ACBD6: variants seen among roughly 807,000 people sequenced by gnomAD.
ACBD6 encodes acyl-CoA binding domain containing 6.
ACBD6 carries 28 observed loss-of-function variants against 37.2 expected under a neutral mutation model. The ratio of observed to expected loss-of-function variants is 0.75; its 90% confidence interval spans 0.56 to 1.03. The LOEUF is 1.03. ACBD6 is among the 50% of genes least tolerant of loss of function. The pLI, the probability that ACBD6 is intolerant of heterozygous loss-of-function variation, is 0.00. For synonymous variants in ACBD6, 113 were observed against 126.8 expected (o/e 0.89, Z 0.73); for missense variants, 340 against 337.4 (o/e 1.01, Z -0.06).
exon 11 of ACBD6, chr1:180,273,990 C>T (rs1648858196): frequency 3.2e-6 from 2 of 626,450 alleles, no homozygotes; most frequent in Non-Finnish European, 5.6e-6. Flanking sequence ...GCAGGTGTTT[C>T]TTGTTTTTCT....
intron 3 of ACBD6, among the ~76,000 whole-genome samples, chr1:180,431,092 C>T (rs1648794013): frequency 6.6e-6 from 1 of 151,848 alleles, no homozygotes; most frequent in South Asian, 2.1e-4. Flanking sequence ...ACTAGTTTTA[C>T]TTCAAATAAA....
At chr1:180,440,042 A>G (rs949039824) in intron 3 of ACBD6, among the ~76,000 whole-genome samples, 1 of 152,096 alleles carries the variant, frequency 6.6e-6, no homozygotes, top group African/African-American at 2.4e-5. Flanking sequence ...TTCCTTTAAA[A>G]TTTACTATAG....
chr1:180,327,023 G>A (rs1651280420), intron 6 of ACBD6, among the ~76,000 whole-genome samples: 1 of 152,158 alleles, frequency 6.6e-6, no homozygotes. Flanking sequence ...TGCCCTAGCT[G>A]ATGTCTCCCT....
intron 3 of ACBD6, among the ~76,000 whole-genome samples, chr1:180,440,092 T>C (rs561532366): frequency 6.6e-6 from 1 of 152,236 alleles, no homozygotes; most frequent in Non-Finnish European, 1.5e-5. Context: ...TTTTGTTTAT[T>C]TGGAAAAAGT....
intron 6 of ACBD6, among the ~76,000 whole-genome samples, chr1:180,354,928 G>A (rs759488197): frequency 1.3e-5 from 2 of 152,104 alleles, no homozygotes; most frequent in African/African-American, 4.8e-5. Flanking sequence ...AAAGACATAC[G>A]CAACATTGTC....
At chr1:180,456,232 A>C (rs1269640697) in intron 3 of ACBD6, among the ~76,000 whole-genome samples, 1 of 150,372 alleles carries the variant, frequency 6.7e-6, no homozygotes, top group Non-Finnish European at 1.5e-5. Context: ...AAAAAAAGTG[A>C]CTTAATTTTA....
At chr1:180,282,972 GTTTTTTTTTTTT>G (rs34828086) in intron 8 of ACBD6, among the ~76,000 whole-genome samples, 67 of 109,990 alleles carry the variant, frequency 6.1e-4, no homozygotes, top group Non-Finnish European at 9.4e-4. Flanking sequence ...ATGTCTTTCT[GTTTTTTTTTTTT>G]TTTTTTTTTG....
At chr1:180,275,465 C>T (rs772828418) in intron 9 of ACBD6, 1 of 152,234 alleles carries the variant, frequency 6.6e-6, no homozygotes, top group Non-Finnish European at 1.5e-5. Context: ...TTTGTAGACA[C>T]ATTTGGATTC....
At chr1:180,388,172 T>C (rs1653918630) in intron 6 of ACBD6, among the ~76,000 whole-genome samples, 1 of 101,466 alleles carries the variant, frequency 9.9e-6, no homozygotes. Flanking sequence ...CGAGACTCCG[T>C]CTCAAAAAAA....
Position 180,502,380 on chromosome 1 carries a change from G to C in ACBD6, c.-114C>G. ...GGGTCGCGAGCCTGAGCTCCAGTCGGACCCAAGCTCAGTCGCGGCGCGCTC... is the reference window on the plus strand; with the variant it reads ...GGGTCGCGAGCCTGAGCTCCAGTCGCACCCAAGCTCAGTCGCGGCGCGCTC... On this transcript the variant is annotated 5_prime_UTR_variant, in exon 1 of 8. Coordinates refer to ENST00000367595, the MANE Select transcript of ACBD6 (RefSeq NM_032360.4). 1 of 1,199,862 alleles carries C rather than the reference G, an allele frequency of 8.3e-7. No homozygotes were observed. Among genetic ancestry groups the C allele is most frequent in the Non-Finnish European group, 1.2e-6 (1 of 828,644 alleles). 74.3% of individuals were successfully genotyped at this position (1,199,862 alleles called of 1,614,324 possible).
rs992396181 is a variant in ACBD6, at chr1:180,435,718, C to T, written c.385-5456G>A. The stretch of plus-strand genomic sequence containing the variant: ...AGTTAGAGACCGCTGTCAATCTCGC[C>T]TGGACAGCAGGAAACAGTAACACGC... On this transcript the variant is annotated intron_variant, in intron 3 of 7. Transcript: ENST00000367595. 6 of 854,342 alleles carry T rather than the reference C, an allele frequency of 7.0e-6. No individual in the cohort carries two copies. The Admixed American group carries it at 1.0e-4, about 15-fold the overall frequency. 52.9% of individuals were successfully genotyped at this position (854,342 alleles called of 1,614,324 possible).
chr1:180,366,149 T>C (rs1653046502), intron 6 of ACBD6, among the ~76,000 whole-genome samples: 2 of 152,220 alleles, frequency 1.3e-5, no homozygotes, highest in Non-Finnish European at 2.9e-5. Flanking sequence ...AAACCATCAA[T>C]GAGCCACCAG....
chr1:180,307,256 GAAAGGC>G (rs1157089796), intron 7 of ACBD6, among the ~76,000 whole-genome samples: 3 of 152,180 alleles, frequency 2.0e-5, no homozygotes, highest in Non-Finnish European at 2.9e-5. Context: ...GCCAGGCACA[GAAAGGC>G]AAACTTCACA....
rs543896610 is a variant in ACBD6 at position 180,406,793 on chromosome 1, G to C, written c.573+6573C>G. 2.0e-5 allele frequency among the ~76,000 whole-genome samples: 3 copies of C among 152,256 alleles called. No individual in the cohort carries two copies. In the East Asian group the frequency reaches 5.8e-4, roughly 29 times the overall value. On this transcript the variant is annotated intron_variant, in intron 5 of 7. Transcript: ENST00000367595. ...TTAAGTAAAAACGTATATTATCCCA[G>C]AGAATCTTAGGGAATCAGTAGGGAA...
chr1:180,468,076 T>C (rs1381769414), intron 3 of ACBD6, among the ~76,000 whole-genome samples: 1 of 152,172 alleles, frequency 6.6e-6, no homozygotes, highest in Non-Finnish European at 1.5e-5. Flanking sequence ...AAGATGGTAC[T>C]GGCTTGAGTG....
At chr1:180,318,237 C>T (rs1489881679) in intron 6 of ACBD6, among the ~76,000 whole-genome samples, 1 of 146,032 alleles carries the variant, frequency 6.8e-6, no homozygotes, top group Admixed American at 7.0e-5. Flanking sequence ...GCTGTGAATG[C>T]TCCTTGCTCT....
chr1:180,424,088 A>G (rs1213764392), intron 4 of ACBD6, among the ~76,000 whole-genome samples: 1 of 152,174 alleles, frequency 6.6e-6, no homozygotes, highest in Non-Finnish European at 1.5e-5. Context: ...CAACTATCAG[A>G]CTCAATTTCA....
At position 180,502,351 on chromosome 1, in the gene ACBD6, G is replaced by C; in HGVS notation, c.-85C>G. On this transcript the variant is annotated 5_prime_UTR_variant, in exon 1 of 8. Coordinates refer to ENST00000367595, the MANE Select transcript of ACBD6 (RefSeq NM_032360.4). ...GCCGGCTTGGAGGCCTGGCCCACCA[G>C]TCTGGGTCGCGAGCCTGAGCTCCAG... 1 of 1,478,072 alleles carries C rather than the reference G, an allele frequency of 6.8e-7. No homozygotes were observed. The highest frequency in any genetic ancestry group is 9.3e-7 in the Non-Finnish European group (1 of 1,075,026). 91.6% of individuals were successfully genotyped at this position (1,478,072 alleles called of 1,614,324 possible).
intron 5 of ACBD6, 120 bp downstream of exon 5, chr1:180,413,246 G>T: frequency 1.3e-6 from 1 of 757,620 alleles, no homozygotes; most frequent in Non-Finnish European, 2.4e-6. Context: ...TAGATATTCT[G>T]ATATACTCTT....
Sources: gnomAD v4.1 joint callset for allele counts (sites outside exome capture counted in the v4.1 genomes callset) on GRCh38, gnomAD v4.1.1 for gene constraint, MANE v1.5 for transcripts, NCBI Gene and HGNC (gene_info 2026-07-23, HGNC 2026-07-21) for gene names.